ASAP2: variants seen among roughly 807,000 people sequenced by gnomAD.
The protein encoded by ASAP2 is arf-GAP with SH3 domain, ANK repeat and PH domain-containing protein 2.
Under a neutral mutation model 131.4 loss-of-function variants are expected in ASAP2, and 45 were observed. The observed-to-expected ratio is 0.34, with a 90% CI of 0.27 to 0.44. The LOEUF (loss-of-function observed/expected upper bound fraction) is 0.44. Ranked by LOEUF, ASAP2 falls within the 20% of genes least tolerant of loss-of-function variation. The probability of loss-of-function intolerance (pLI) is 1.00; values close to 1 mark genes in which losing one functional copy is unlikely to be tolerated. For synonymous variants in ASAP2, 510 were observed against 503.0 expected (o/e 1.01, Z -0.19); for missense variants, 1,011 against 1,297.0 (o/e 0.78, Z 3.39).
chr2:9,271,323 G>T (rs1666378093), intron 1 of ASAP2: 1 of 995,378 alleles, frequency 1.0e-6, no homozygotes, highest in Non-Finnish European at 1.6e-6. Context: ...TCCTTAGCCA[G>T]TCCAAGCTCT....
At chr2:9,257,200 C>T (rs1665229256) in intron 1 of ASAP2, among the ~76,000 whole-genome samples, 1 of 152,172 alleles carries the variant, frequency 6.6e-6, no homozygotes, top group African/African-American at 2.4e-5. Flanking sequence ...AGGTGCGGGC[C>T]CCCATCCTGA....
intron 15 of ASAP2, 43 bp from the exon 16 acceptor site, chr2:9,368,382 T>C (rs922799805): frequency 2.6e-6 from 4 of 1,514,530 alleles, no homozygotes; most frequent in Non-Finnish European, 3.7e-6. Context: ...CAGTAGAATG[T>C]ATTAATAATT....
chr2:9,279,473 A>G, intron 2 of ASAP2, 84 bp downstream of exon 2: 1 of 1,298,958 alleles, frequency 7.7e-7, no homozygotes, highest in Non-Finnish European at 1.1e-6. Context: ...ATGACCATTA[A>G]CAAATGAGCC....
intron 1 of ASAP2, among the ~76,000 whole-genome samples, chr2:9,209,358 T>G (rs1045468427): frequency 3.9e-5 from 6 of 152,220 alleles, no homozygotes; most frequent in Admixed American, 3.3e-4. Flanking sequence ...GTGTCTAATG[T>G]TCGTGTCTAT....
chr2:9,357,474 A>T (rs1318202438), intron 14 of ASAP2, among the ~76,000 whole-genome samples: 1 of 152,090 alleles, frequency 6.6e-6, no homozygotes, highest in African/African-American at 2.4e-5. Flanking sequence ...ACGAGACTGT[A>T]TTTAAAACAA....
At chr2:9,228,905 T>G (rs932009015) in intron 1 of ASAP2, among the ~76,000 whole-genome samples, 1 of 152,290 alleles carries the variant, frequency 6.6e-6, no homozygotes, top group African/African-American at 2.4e-5. Flanking sequence ...CCTGTCAAAT[T>G]TCTGTGACAT....
intron 1 of ASAP2, among the ~76,000 whole-genome samples, chr2:9,279,001 C>T (rs951144541): frequency 3.3e-5 from 5 of 152,234 alleles, no homozygotes; most frequent in African/African-American, 1.2e-4. Context: ...GAGTAATTCA[C>T]TTCGCTGCAG....
At chr2:9,312,577 T>C (rs1008533251) in intron 3 of ASAP2, among the ~76,000 whole-genome samples, 3 of 152,224 alleles carry the variant, frequency 2.0e-5, no homozygotes, top group Non-Finnish European at 4.4e-5. Context: ...GGAAGTTCCA[T>C]GATGTCTCAG....
chr2:9,372,961 A>G (rs1003170614), intron 16 of ASAP2, among the ~76,000 whole-genome samples: 6 of 152,160 alleles, frequency 3.9e-5, no homozygotes, highest in African/African-American at 1.4e-4. Flanking sequence ...TTTTTTCTTA[A>G]CATTATAACA....
intron 1 of ASAP2, among the ~76,000 whole-genome samples, chr2:9,270,054 A>T (rs1666231485): frequency 6.6e-6 from 1 of 152,182 alleles, no homozygotes; most frequent in African/African-American, 2.4e-5. Context: ...TTTCCTCAGA[A>T]ATATTTGGGA....
intron 3 of ASAP2, among the ~76,000 whole-genome samples, chr2:9,314,411 T>A (rs894603883): frequency 2.0e-5 from 3 of 152,266 alleles, no homozygotes; most frequent in African/African-American, 7.2e-5. Context: ...ACTAACATTT[T>A]ATCTGAAGCC....
chr2:9,211,136 CAA>C (rs969312730), intron 1 of ASAP2, among the ~76,000 whole-genome samples: 87 of 145,542 alleles, frequency 6.0e-4, no homozygotes, highest in African/African-American at 2.1e-3. Context: ...GCCTGGGCAA[CAA>C]GAGTGAAACT....
At chr2:9,310,383 C>T (rs11677929) in intron 3 of ASAP2, among the ~76,000 whole-genome samples, 179 of 152,136 alleles carry the variant, frequency 1.2e-3, no homozygotes, top group Non-Finnish European at 1.9e-3. Context: ...TGATTATCCT[C>T]GAAGAGAGTT....
chr2:9,327,128 AC>A (rs139235213), intron 6 of ASAP2, among the ~76,000 whole-genome samples: 45,432 of 150,384 alleles, frequency 0.3, 7,132 homozygotes, highest in Non-Finnish European at 0.36. Flanking sequence ...GGGTACCCCT[AC>A]CCCACCCCCG....
chr2:9,306,433 G>A (rs1328893816), intron 3 of ASAP2, among the ~76,000 whole-genome samples: 3 of 151,834 alleles, frequency 2.0e-5, no homozygotes, highest in South Asian at 2.1e-4. Context: ...GCAGAAGAGC[G>A]GCTGCTGCAG....
At chr2:9,246,314 A>G (rs1157794590) in intron 1 of ASAP2, among the ~76,000 whole-genome samples, 2 of 152,222 alleles carry the variant, frequency 1.3e-5, no homozygotes, top group African/African-American at 2.4e-5. Flanking sequence ...AATTTTTTAC[A>G]GACAGGGTCT....
intron 1 of ASAP2, among the ~76,000 whole-genome samples, chr2:9,249,608 C>T (rs567301056): frequency 3.3e-5 from 5 of 152,344 alleles, no homozygotes; most frequent in South Asian, 2.1e-4. Context: ...ACATAGACTG[C>T]ATAGCCATGA....
At chr2:9,235,453 A>T (rs1663482540) in intron 1 of ASAP2, among the ~76,000 whole-genome samples, 1 of 152,084 alleles carries the variant, frequency 6.6e-6, no homozygotes, top group Non-Finnish European at 1.5e-5. Flanking sequence ...CAGAGTTCAG[A>T]TGTTGTTCAT....
intron 1 of ASAP2, among the ~76,000 whole-genome samples, chr2:9,228,492 T>C (rs1300321408): frequency 6.6e-6 from 1 of 152,204 alleles, no homozygotes; most frequent in African/African-American, 2.4e-5. Flanking sequence ...GTCTCTTTCT[T>C]TGGGGAAGAG....
Sources: allele counts gnomAD v4.1 joint callset (sites outside exome capture counted in the v4.1 genomes callset), GRCh38; gene constraint gnomAD v4.1.1; transcripts MANE v1.5; gene names NCBI Gene and HGNC (gene_info 2026-07-23, HGNC 2026-07-21).